The following FNDC1 variants were observed in gnomAD, a reference collection of about 807,000 sequenced individuals.
FNDC1 encodes the protein fibronectin type III domain containing 1.
Under a neutral mutation model 168.0 loss-of-function variants are expected in FNDC1, and 96 were observed. The observed-to-expected ratio is 0.57, with a 90% CI of 0.48 to 0.68. FNDC1 has a LOEUF of 0.68. FNDC1 is among the 30% of genes least tolerant of loss of function. The pLI is 0.00. For synonymous variants in FNDC1, 1,099 were observed against 1,025.9 expected (o/e 1.07, Z -1.36); for missense variants, 2,587 against 2,482.1 (o/e 1.04, Z -0.90).
rs759918831 is a variant in FNDC1 at position 159,234,047 on chromosome 6, G to A, written c.3535G>A (p.Asp1179Asn). 3 of 939,376 alleles carry A rather than the reference G, an allele frequency of 3.2e-6. No individual in the cohort carries two copies. In the Admixed American group the frequency reaches 6.6e-5, roughly 21 times the overall value. 58.2% of individuals were successfully genotyped at this position (939,376 alleles called of 1,614,324 possible). The change falls in exon 11 of 23, where the codon GAC becomes AAC. Residue 1179 changes from aspartate to asparagine, a missense_variant. Asp to Asn is a conservative substitution (Grantham distance 23). Transcript: ENST00000297267. The part of the protein sequence containing the change: ...SKSQQSVSAE[D>N]DEEEDAGFFK... Reference sequence around the variant, plus strand: ...GTCCCAGCAGTCGGTCTCAGCCGAGGACGACGAGGAGGAGGACGCGGGATT... The same window carrying A: ...GTCCCAGCAGTCGGTCTCAGCCGAGAACGACGAGGAGGAGGACGCGGGATT...
rs748203864 is a variant in FNDC1, at chr6:159,239,502, T to A, written c.4181-15T>A. 6.4e-7 allele frequency: 1 copy of A among 1,567,960 alleles called. No homozygotes were observed. The highest frequency in any genetic ancestry group is 1.2e-5 in the South Asian group (1 of 85,316). ...CTTCACCTTGTTGCATAGCTATTGG[T>A]TGATTTTGTTTCAGATCTGGAAGGG... On this transcript the variant is annotated splice_polypyrimidine_tract_variant and intron_variant, in intron 13 of 22. Transcript: ENST00000297267.
intron 14 of FNDC1, among the ~76,000 whole-genome samples, chr6:159,245,311 T>G (rs1003334126): frequency 3.3e-5 from 5 of 152,172 alleles, no homozygotes; most frequent in African/African-American, 1.2e-4. Context: ...GCGTTTGTTG[T>G]GAAATTATAT....
chr6:159,243,568 A>C (rs1783475991), intron 14 of FNDC1, among the ~76,000 whole-genome samples: 2 of 152,192 alleles, frequency 1.3e-5, no homozygotes, highest in South Asian at 4.1e-4. Context: ...ACTACTGAAG[A>C]GAATAAACAA....
intron 14 of FNDC1, among the ~76,000 whole-genome samples, chr6:159,246,240 A>C (rs1411272706): frequency 2.0e-5 from 3 of 152,218 alleles, no homozygotes; most frequent in Non-Finnish European, 2.9e-5. Context: ...TCCTATGCAA[A>C]TTAAGAAATC....
At chr6:159,231,855 C>A in intron 10 of FNDC1, 27 bp from the exon 11 acceptor site, 2 of 1,551,968 alleles carry the variant, frequency 1.3e-6, no homozygotes, top group Admixed American at 2.1e-5. Flanking sequence ...TCTTCTTTGA[C>A]AGGCAATTCT....
At position 159,271,538 on chromosome 6, in the gene FNDC1, C is replaced by T. The variant is rs117797591; in HGVS notation, c.*96C>T. On this transcript the variant is annotated 3_prime_UTR_variant, in exon 23 of 23. Transcript: ENST00000297267. ...CAAAGACAGCCAGCGTGCTCAGCCC[C>T]GCTGCCCTAGGTGCCAGGAAGGTCA... The T allele has an allele frequency of 1.7e-4, 152 of 899,084 alleles. 1 individual carries two copies. In the East Asian group the frequency reaches 3.7e-3, roughly 22 times the overall value. 55.7% of individuals were successfully genotyped at this position (899,084 alleles called of 1,614,324 possible).
chr6:159,185,069 G>GC (rs1039459507), intron 1 of FNDC1, among the ~76,000 whole-genome samples: 2 of 106,872 alleles, frequency 1.9e-5, no homozygotes, highest in South Asian at 3.8e-4. Flanking sequence ...ATGGAGGGTG[G>GC]GGGGGGGGGA....
chr6:159,269,171 TG>T (rs1214522610), intron 22 of FNDC1, among the ~76,000 whole-genome samples: 3 of 151,168 alleles, frequency 2.0e-5, no homozygotes, highest in Non-Finnish European at 4.4e-5. Flanking sequence ...TATGTATGTA[TG>T]TATGTATGTA....
chr6:159,207,830 C>G (rs1298002975), intron 4 of FNDC1, among the ~76,000 whole-genome samples: 1 of 152,162 alleles, frequency 6.6e-6, no homozygotes, highest in Admixed American at 6.5e-5. Flanking sequence ...GAACTTTAAA[C>G]TAAAACAAAC....
At position 159,215,094 on chromosome 6, in the gene FNDC1, A is replaced by G; in HGVS notation, c.610A>G (p.Lys204Glu). The change falls in exon 5 of 23, where the codon AAG becomes GAG. Residue 204 changes from lysine to glutamate, a missense_variant. Transcript: ENST00000297267. ...FLLGYGESGR[K>E]MNYVPLTRDE... ...CCTGGGCTACGGGGAGAGTGGCCGG[A>G]AGATGAATTATGTTCCACTGACAAG... 1 of 1,614,054 alleles carries G rather than the reference A, an allele frequency of 6.2e-7. No individual in the cohort carries two copies. Among genetic ancestry groups the G allele is most frequent in the Non-Finnish European group, 8.5e-7 (1 of 1,179,900 alleles).
At chr6:159,204,603 G>A (rs948964500) in intron 4 of FNDC1, among the ~76,000 whole-genome samples, 2 of 152,128 alleles carry the variant, frequency 1.3e-5, no homozygotes, top group Non-Finnish European at 2.9e-5. Flanking sequence ...GTCTGCCCCC[G>A]TCATTTCAGC....
intron 19 of FNDC1, 73 bp downstream of exon 19, chr6:159,261,342 A>G (rs2115026808): frequency 2.0e-6 from 2 of 1,024,410 alleles, no homozygotes; most frequent in East Asian, 2.4e-5. Context: ...CATGATGGCT[A>G]CAATAGAATA....
chr6:159,197,297 C>G, intron 1 of FNDC1, 134 bp from the exon 2 acceptor site: 1 of 815,862 alleles, frequency 1.2e-6, no homozygotes, highest in South Asian at 1.8e-5. Context: ...AAATACATGA[C>G]TATCCTTAAA....
chr6:159,252,094 A>G (rs1777280626), intron 17 of FNDC1, among the ~76,000 whole-genome samples: 1 of 152,194 alleles, frequency 6.6e-6, no homozygotes, highest in Non-Finnish European at 1.5e-5. Flanking sequence ...AAAAATGCCC[A>G]AGGATCTTGA....
chr6:159,267,343 C>T (rs1198774357), intron 21 of FNDC1, among the ~76,000 whole-genome samples: 1 of 152,154 alleles, frequency 6.6e-6, no homozygotes, highest in East Asian at 1.9e-4. Context: ...CAAGTTTGTC[C>T]TACTGTGCAG....
chr6:159,230,193 T>C (rs1468658255), intron 10 of FNDC1, among the ~76,000 whole-genome samples, 190 bp downstream of exon 10: 1 of 152,232 alleles, frequency 6.6e-6, no homozygotes, highest in African/African-American at 2.4e-5. Flanking sequence ...ATTAAAATGT[T>C]ATTGATTATT....
intron 1 of FNDC1, among the ~76,000 whole-genome samples, chr6:159,190,324 C>T (rs541524888): frequency 1.5e-4 from 23 of 152,318 alleles, no homozygotes; most frequent in African/African-American, 5.5e-4. Context: ...ACGCTGCAGC[C>T]GAGGGTGATT....
At chr6:159,253,548 CA>C (rs1777315523) in intron 17 of FNDC1, among the ~76,000 whole-genome samples, 1 of 152,178 alleles carries the variant, frequency 6.6e-6, no homozygotes, top group Middle Eastern at 3.2e-3. Context: ...GGTGCCCGAA[CA>C]GTGTGAAACT....
In FNDC1 at chr6:159,234,145, C is replaced by A; in HGVS notation, c.3633C>A (p.Gly1211=). ...GGCCCTCTTCCTCCACTCCCAGGGG[C>A]GGCAAAGACGCCGATGGGAGCCTCG... ...PKWPSSSTPR[G]GKDADGSLAK... is the part of the protein sequence containing the mutation. The change falls in exon 11 of 23, where the codon GGC becomes GGA. Residue 1211 remains glycine, a synonymous_variant. Coordinates refer to ENST00000297267, the MANE Select transcript of FNDC1 (RefSeq NM_032532.3). The A allele has an allele frequency of 1.3e-6, 2 of 1,599,816 alleles. No homozygotes were observed. The highest frequency in any genetic ancestry group is 1.7e-6 in the Non-Finnish European group (2 of 1,173,416).
Sources: gnomAD v4.1 joint callset for allele counts (sites outside exome capture counted in the v4.1 genomes callset) on GRCh38, gnomAD v4.1.1 for gene constraint, MANE v1.5 for transcripts, NCBI Gene and HGNC (gene_info 2026-07-23, HGNC 2026-07-21) for gene names.